The following ISM1 variants were observed in gnomAD, a reference collection of about 807,000 sequenced individuals.
ISM1 encodes the protein isthmin 1, also known as isthmin-1.
A neutral mutation model predicts 46.3 loss-of-function variants in ISM1; 25 were observed. That is an observed-to-expected ratio of 0.54 (90% CI 0.39 to 0.75). The LOEUF is 0.75. Ranked by LOEUF, ISM1 falls within the 30% of genes least tolerant of loss-of-function variation. The pLI, the probability that ISM1 is intolerant of heterozygous loss-of-function variation, is 0.00. For synonymous variants in ISM1, 255 were observed against 256.7 expected (o/e 0.99, Z 0.06); for missense variants, 536 against 625.4 (o/e 0.86, Z 1.52).
Position 13,280,907 on chromosome 20 carries a change from G to A in ISM1, c.643+1009G>A, listed in dbSNP as rs962483333. 3.3e-5 allele frequency among the ~76,000 whole-genome samples: 5 copies of A among 152,216 alleles called. No homozygotes were observed. In the South Asian group the frequency reaches 6.2e-4, roughly 19 times the overall value. On this transcript the variant is annotated intron_variant, in intron 3 of 5. Coordinates refer to ENST00000262487, the MANE Select transcript of ISM1 (RefSeq NM_080826.2). Reference sequence around the variant, plus strand: ...TTAATGTCTTACAAATGCACCCATCGTCATGATTTTCTTGTGGCTTCACCA... The same window carrying A: ...TTAATGTCTTACAAATGCACCCATCATCATGATTTTCTTGTGGCTTCACCA...
intron 1 of ISM1, among the ~76,000 whole-genome samples, chr20:13,231,377 G>T (rs1176804130): frequency 6.6e-6 from 1 of 152,206 alleles, no homozygotes; most frequent in Admixed American, 6.5e-5. Context: ...GGCTGCAAAG[G>T]TCACGCCTAG....
intron 1 of ISM1, among the ~76,000 whole-genome samples, chr20:13,229,882 G>A (rs1400872599): frequency 6.6e-6 from 1 of 151,988 alleles, no homozygotes; most frequent in Non-Finnish European, 1.5e-5. Flanking sequence ...TTCTGTTGTG[G>A]ATTGACTCAT....
chr20:13,251,364 G>A (rs1417557378), intron 1 of ISM1, among the ~76,000 whole-genome samples: 1 of 152,234 alleles, frequency 6.6e-6, no homozygotes, highest in Non-Finnish European at 1.5e-5. Flanking sequence ...CATGCTGTTT[G>A]TATTTTTCCA....
chr20:13,269,951 GGATGGATGGATGGATA>G (rs1466435028), intron 1 of ISM1, among the ~76,000 whole-genome samples: 4 of 151,962 alleles, frequency 2.6e-5, no homozygotes, highest in African/African-American at 9.7e-5. Flanking sequence ...ATGGATGGAT[GGATGGATGGATGGATA>G]GATGGATATG....
At position 13,277,643 on chromosome 20, in the gene ISM1, C is replaced by CT. The variant is rs33968434; in HGVS notation, c.379-1977dup. On this transcript the variant is annotated intron_variant, in intron 2 of 5. Coordinates refer to ENST00000262487, the MANE Select transcript of ISM1 (RefSeq NM_080826.2). The stretch of plus-strand genomic sequence containing the variant: ...TCCTTTTCTTTTCTTCCCCCCTACC[C>CT]TTTTTTTTTTTTTTACTTTTGGGAT... Among the ~76,000 whole-genome samples, 182 of 145,686 alleles carry CT rather than the reference C, an allele frequency of 1.2e-3. 1 individual carries two copies. The highest frequency in any genetic ancestry group is 2.1e-3 in the Non-Finnish European group (136 of 66,160).
At chr20:13,225,705 T>C (rs953500945) in intron 1 of ISM1, among the ~76,000 whole-genome samples, 4 of 152,276 alleles carry the variant, frequency 2.6e-5, no homozygotes, top group Non-Finnish European at 5.9e-5. Flanking sequence ...AAATATCTAG[T>C]AAGAAATGAG....
At chr20:13,247,779 A>C (rs149843749) in intron 1 of ISM1, among the ~76,000 whole-genome samples, 2 of 152,274 alleles carry the variant, frequency 1.3e-5, no homozygotes, top group African/African-American at 4.8e-5. Context: ...TGAGGCTCAG[A>C]TGTATTGACA....
At position 13,221,568 on chromosome 20, in the gene ISM1, G is replaced by GCGGCGGCGC. The variant is rs1289402313; in HGVS notation, c.-204_-196dup. 6.9e-6 allele frequency among the ~76,000 whole-genome samples: 1 copy of GCGGCGGCGC among 145,192 alleles called. No homozygotes were observed. Among genetic ancestry groups the GCGGCGGCGC allele is most frequent in the Non-Finnish European group, 1.5e-5 (1 of 65,358 alleles). On this transcript the variant is annotated 5_prime_UTR_variant, in exon 1 of 6. Transcript: ENST00000262487. ...CCGCCGTGGTGCGGCGGCGGCGGCG[G>GCGGCGGCGC]CGGCGGCGCCGGCAGCTCCTGCTCC...
At chr20:13,272,691 C>A (rs565766741) in intron 2 of ISM1, among the ~76,000 whole-genome samples, 296 of 152,336 alleles carry the variant, frequency 1.9e-3, no homozygotes, top group African/African-American at 6.8e-3. Context: ...GAAAAACAGG[C>A]CTTTGGCTCC....
In ISM1 at chr20:13,300,536, T is replaced by C. The variant is rs2040449372; in HGVS notation, c.*1077T>C. 1 of 152,216 alleles carries C rather than the reference T, an allele frequency of 6.6e-6. No homozygotes were observed. The highest frequency in any genetic ancestry group is 1.5e-5 in the Non-Finnish European group (1 of 68,036). 9.4% of individuals were successfully genotyped at this position (152,216 alleles called of 1,614,324 possible). ...TTATTGTGCATCAAGCAATTGTTAA[T>C]ATGACCTGGTCCTATGGGGTAGAAC... On this transcript the variant is annotated 3_prime_UTR_variant, in exon 6 of 6. Transcript: ENST00000262487.
At position 13,279,506 on chromosome 20, in the gene ISM1, A is replaced by G. The variant is rs729644; in HGVS notation, c.379-128A>G. The G allele has an allele frequency of 0.016, 13,852 of 885,276 alleles. 694 individuals carry two copies. Among genetic ancestry groups the G allele is most frequent in the African/African-American group, 0.14 (8,444 of 58,578 alleles). The allele number at this position is 885,276 out of a possible 1,614,324, so 54.8% of individuals were successfully genotyped here. A position where few individuals can be genotyped will look rare whatever the true frequency, so the allele number is the denominator to read the frequency against. On this transcript the variant is annotated intron_variant, in intron 2 of 5. Transcript: ENST00000262487. ...GTTTTCCATTGTGTATCGCCATGCA[A>G]TCTCAGCTTTCCTTCACAACGGATG...
intron 1 of ISM1, among the ~76,000 whole-genome samples, chr20:13,247,518 GT>G (rs879627887): frequency 0.032 from 1,875 of 57,786 alleles, 20 homozygotes; most frequent in East Asian, 0.14. Context: ...AAAGTGAGGG[GT>G]GTGTGTGTGT....
At chr20:13,326,000 G>A in the ISM1 span, among the ~76,000 whole-genome samples, 2 of 152,096 alleles carry the variant, frequency 1.3e-5, no homozygotes, top group African/African-American at 4.8e-5. Context: ...CCAACTCCGG[G>A]TAACCACTGA....
At chr20:13,261,889 C>T (rs2039993262) in intron 1 of ISM1, among the ~76,000 whole-genome samples, 1 of 152,230 alleles carries the variant, frequency 6.6e-6, no homozygotes, top group Non-Finnish European at 1.5e-5. Context: ...GGTTCTCCCT[C>T]TCACCAACAG....
chr20:13,305,222 C>T (rs886778052), downstream of ISM1, among the ~76,000 whole-genome samples: 5 of 148,152 alleles, frequency 3.4e-5, no homozygotes, highest in Admixed American at 2.0e-4. Context: ...AAAAAAAACC[C>T]TTAATTTTTA....
intron 1 of ISM1, among the ~76,000 whole-genome samples, chr20:13,250,555 G>A (rs2039857998): frequency 6.6e-6 from 1 of 152,140 alleles, no homozygotes; most frequent in African/African-American, 2.4e-5. Flanking sequence ...AATCGCCTGG[G>A]GATCTTTTTA....
At position 13,221,799 on chromosome 20, in the gene ISM1, T is replaced by TGCTGCTGCTGCTGGG; in HGVS notation, c.36_50dup (p.Gly13_Leu17dup). 4 of 1,390,250 alleles carry TGCTGCTGCTGCTGGG rather than the reference T, an allele frequency of 2.9e-6. No homozygotes were observed. The highest frequency in any genetic ancestry group is 3.7e-6 in the Non-Finnish European group (4 of 1,066,870). 86.1% of individuals were successfully genotyped at this position (1,390,250 alleles called of 1,614,324 possible). A position where few individuals can be genotyped will look rare whatever the true frequency, so the allele number is the denominator to read the frequency against. On this transcript the variant is annotated inframe_insertion, in exon 1 of 6. Coordinates refer to ENST00000262487, the MANE Select transcript of ISM1 (RefSeq NM_080826.2). ...AGGATGGTGCGCCTGGCGGCCGAGCTGCTGCTGCTGCTGGGGCTGCTGCTG... is the reference window on the plus strand; with the variant it reads ...AGGATGGTGCGCCTGGCGGCCGAGCTGCTGCTGCTGCTGGGGCTGCTGCTGCTGGGGCTGCTGCTG...
At chr20:13,252,525 C>T (rs933244880) in intron 1 of ISM1, among the ~76,000 whole-genome samples, 11 of 152,002 alleles carry the variant, frequency 7.2e-5, no homozygotes, top group African/African-American at 9.7e-5. Context: ...CCAAGGCAGG[C>T]GGATCATTTG....
At chr20:13,274,059 T>TCGTGTGTG (rs1555813313) in intron 2 of ISM1, among the ~76,000 whole-genome samples, 4 of 150,714 alleles carry the variant, frequency 2.7e-5, no homozygotes, top group African/African-American at 9.7e-5. Flanking sequence ...TGGCGTGTAA[T>TCGTGTGTG]TGTGTGTGTG....
Sources: gnomAD v4.1 joint callset for allele counts (sites outside exome capture counted in the v4.1 genomes callset) on GRCh38, gnomAD v4.1.1 for gene constraint, MANE v1.5 for transcripts, NCBI Gene and HGNC (gene_info 2026-07-23, HGNC 2026-07-21) for gene names.